The following IFT88 variants were observed in gnomAD, a reference collection of about 807,000 sequenced individuals.
IFT88 encodes the protein intraflagellar transport protein 88 homolog.
A neutral mutation model predicts 119.5 loss-of-function variants in IFT88; 74 were observed. The ratio of observed to expected loss-of-function variants is 0.62; its 90% confidence interval spans 0.51 to 0.75. IFT88 has a LOEUF of 0.75. Ranked by LOEUF, IFT88 falls within the 30% of genes least tolerant of loss-of-function variation. IFT88 has a pLI of 0.00. For synonymous variants in IFT88, 279 were observed against 316.7 expected, an observed-to-expected ratio of 0.88 and a Z score of 1.26; for missense variants, 961 against 977.7, an observed-to-expected ratio of 0.98 and a Z score of 0.23.
In IFT88 at chr13:20,627,948, T is replaced by A. The variant is rs571215098; in HGVS notation, c.1299+2099T>A. On this transcript the variant is annotated intron_variant, in intron 15 of 25. Coordinates refer to ENST00000351808, the MANE Select transcript of IFT88 (RefSeq NM_006531.5). ...ATATCAATTGGTTTACTGATTTTTT[T>A]AAAATGCCATTTCTGCTTTCTTTTC... 8.5e-5 allele frequency among the ~76,000 whole-genome samples: 13 copies of A among 152,332 alleles called. No individual in the cohort carries two copies. The East Asian group carries it at 2.5e-3, about 29-fold the overall frequency.
chr13:20,643,670 G>A, intron 19 of IFT88, 65 bp downstream of exon 19: 2 of 1,120,682 alleles, frequency 1.8e-6, no homozygotes, highest in Non-Finnish European at 2.6e-6. Flanking sequence ...AAAGAAGGCA[G>A]CAAGGCTTTA....
intron 3 of IFT88, among the ~76,000 whole-genome samples, chr13:20,587,343 C>T (rs1004996183): frequency 1.3e-5 from 2 of 152,016 alleles, no homozygotes. Context: ...CTGCAACGTC[C>T]ACCTCCTGGG....
At chr13:20,638,566 G>A (rs1478767552) in intron 17 of IFT88, 48 bp downstream of exon 17, 4 of 1,293,514 alleles carry the variant, frequency 3.1e-6, no homozygotes, top group Middle Eastern at 2.4e-4. Flanking sequence ...TATTTGCTTT[G>A]TATTTGTTTT....
chr13:20,624,956 A>G lies in IFT88; in HGVS notation c.1200-794A>G, dbSNP rs1029472964. Among the ~76,000 whole-genome samples the G allele has an allele frequency of 8.3e-4, 127 of 152,208 alleles. 1 individual carries two copies. Among genetic ancestry groups the G allele is most frequent in the Non-Finnish European group, 1.3e-4 (9 of 68,040 alleles). On this transcript the variant is annotated intron_variant, in intron 14 of 25. Transcript: ENST00000351808. ...TTAAGTATATAATATATTATTAACC[A>G]TAATTCCCTTGATGTACAATAGATC...
At chr13:20,631,408 G>A (rs915166606) in intron 16 of IFT88, 14 of 244,810 alleles carry the variant, frequency 5.7e-5, no homozygotes, top group Non-Finnish European at 8.0e-6. Context: ...TGTGTTATTG[G>A]TAAAGAAAGT....
At chr13:20,659,510 A>G (rs2053440463) in intron 22 of IFT88, among the ~76,000 whole-genome samples, 1 of 152,170 alleles carries the variant, frequency 6.6e-6, no homozygotes, top group South Asian at 2.1e-4. Context: ...TTCCTAAGCC[A>G]ATCTTTATTT....
At chr13:20,669,445 G>C (rs1285469622) in intron 23 of IFT88, among the ~76,000 whole-genome samples, 1 of 147,344 alleles carries the variant, frequency 6.8e-6, no homozygotes, top group Non-Finnish European at 1.5e-5. Context: ...TTTTTGAGAC[G>C]GAGTCCCTCT....
chr13:20,652,461 ACT>A (rs1464106154), intron 20 of IFT88, among the ~76,000 whole-genome samples: 1 of 151,446 alleles, frequency 6.6e-6, no homozygotes, highest in African/African-American at 2.4e-5. Context: ...ACATGGCAAA[ACT>A]CTCTTTAAAA....
In IFT88 at chr13:20,574,362, A is replaced by G. The variant is rs1416259610; in HGVS notation, c.-6-18A>G. The stretch of plus-strand genomic sequence containing the variant: ...TTTCTTATACCAAGAACATATTTAC[A>G]CTGCCAGTTTTTCCTAGGTACAAAT... On this transcript the variant is annotated intron_variant, in intron 1 of 25. Transcript: ENST00000351808. 2.0e-6 allele frequency: 3 copies of G among 1,479,494 alleles called. No individual in the cohort carries two copies. The highest frequency in any genetic ancestry group is 1.7e-5 in the Admixed American group (1 of 57,912). The allele number at this position is 1,479,494 out of a possible 1,614,324, so 91.6% of individuals were successfully genotyped here. A position where few individuals can be genotyped will look rare whatever the true frequency, so the allele number is the denominator to read the frequency against.
intron 23 of IFT88, among the ~76,000 whole-genome samples, chr13:20,665,057 C>T (rs1382571603): frequency 6.8e-6 from 1 of 146,138 alleles, no homozygotes; most frequent in African/African-American, 2.6e-5. Context: ...CCAGCCTGGG[C>T]AACAGAGCGA....
intron 13 of IFT88, among the ~76,000 whole-genome samples, chr13:20,606,629 A>G (rs1230926527): frequency 6.6e-6 from 1 of 152,224 alleles, no homozygotes; most frequent in Admixed American, 6.5e-5. Context: ...CTGTAGTCCC[A>G]GCACTTTGGG....
Position 20,589,863 on chromosome 13 carries a change from A to C in IFT88, c.206A>C (p.Tyr69Ser). 1 of 1,591,718 alleles carries C rather than the reference A, an allele frequency of 6.3e-7. No homozygotes were observed. Among genetic ancestry groups the C allele is most frequent in the Non-Finnish European group, 8.6e-7 (1 of 1,163,562 alleles). ...TAVTRPIATG[Y>S]GSKTSLASSI... ...GTTACTAGACCTATAGCTACTGGAT[A>C]TGGGGTAGGTTTTTGTAAGCTGAAA... The change falls in exon 4 of 26, where the codon TAT becomes TCT. Residue 69 changes from tyrosine (Y) to serine (S), a missense_variant. Coordinates refer to ENST00000351808, the MANE Select transcript of IFT88 (RefSeq NM_006531.5).
intron 23 of IFT88, among the ~76,000 whole-genome samples, chr13:20,670,208 A>G (rs372627008): frequency 3.9e-5 from 6 of 152,242 alleles, no homozygotes; most frequent in South Asian, 2.1e-4. Flanking sequence ...GTTTAATTCA[A>G]TTATAAACAT....
intron 4 of IFT88, 24 bp downstream of exon 4, chr13:20,589,891 A>G: frequency 6.9e-7 from 1 of 1,444,574 alleles, no homozygotes; most frequent in African/African-American, 1.4e-5. Flanking sequence ...AGCTGAAAAT[A>G]TTAAGATGCT....
intron 17 of IFT88, 47 bp from the exon 18 acceptor site, chr13:20,641,243 C>G: frequency 1.1e-6 from 1 of 944,122 alleles, no homozygotes; most frequent in Non-Finnish European, 1.6e-6. Flanking sequence ...TAAATTAATA[C>G]CAATAATGAT....
At chr13:20,648,996 A>G (rs901513352) in intron 20 of IFT88, among the ~76,000 whole-genome samples, 2 of 152,194 alleles carry the variant, frequency 1.3e-5, no homozygotes, top group Admixed American at 1.3e-4. Flanking sequence ...TAAAAACCCA[A>G]CAGAGGAGCC....
chr13:20,657,740 CAA>C (rs2053082430), intron 22 of IFT88, among the ~76,000 whole-genome samples: 3 of 151,656 alleles, frequency 2.0e-5, no homozygotes, highest in African/African-American at 7.3e-5. Context: ...CCAGCCTGGC[CAA>C]TAGAGCGAGA....
chr13:20,615,149 A>G (rs1457801064), intron 13 of IFT88, among the ~76,000 whole-genome samples: 2 of 152,222 alleles, frequency 1.3e-5, no homozygotes, highest in Non-Finnish European at 2.9e-5. Context: ...ACAGCATAGT[A>G]TAAAGAACAA....
chr13:20,585,599 G>A (rs1211316199), intron 3 of IFT88, among the ~76,000 whole-genome samples: 1 of 152,154 alleles, frequency 6.6e-6, no homozygotes, highest in Admixed American at 6.5e-5. Context: ...GGAGGTTCAG[G>A]CTAGTAACTC....
Sources: gnomAD v4.1 joint callset for allele counts (sites outside exome capture counted in the v4.1 genomes callset) on GRCh38, gnomAD v4.1.1 for gene constraint, MANE v1.5 for transcripts, NCBI Gene and HGNC (gene_info 2026-07-23, HGNC 2026-07-21) for gene names.